Variants in IGHMBP2 observed in about 807,000 individuals in gnomAD.
IGHMBP2 encodes the protein DNA-binding protein SMUBP-2.
Under a neutral mutation model 96.0 loss-of-function variants are expected in IGHMBP2, and 81 were observed. The observed-to-expected ratio is 0.84, with a 90% confidence interval of 0.71 to 1.01. The LOEUF (loss-of-function observed/expected upper bound fraction) is 1.01, where lower values mean the gene tolerates loss of function less well. Ranked by LOEUF, IGHMBP2 falls within the 50% of genes least tolerant of loss-of-function variation. The pLI, the probability that IGHMBP2 is intolerant of heterozygous loss-of-function variation, is 0.00. For missense variants in IGHMBP2, 1,227 were observed against 1,306.3 expected (o/e 0.94, Z 0.94); for synonymous variants, 557 against 548.9 (o/e 1.01, Z -0.21).
rs1189538200 is a variant in IGHMBP2 at position 68,936,904 on chromosome 11, GC to G, written c.2429del (p.Pro810LeufsTer21). 7 of 1,607,712 alleles carry G rather than the reference GC, an allele frequency of 4.4e-6. No individual in the cohort carries two copies. The highest frequency in any genetic ancestry group is 5.1e-6 in the Non-Finnish European group (6 of 1,177,592). ...GTGGCCCAGCCCCTCTCCAGCCAGT[GC>G]CCCCTACCCCTGCGCAGACAGAGCA... ...TGGPAPLQPV[P>X]PTPAQTEQPP... is the part of the protein sequence containing the mutation. On this transcript the variant is annotated frameshift_variant, in exon 13 of 15. Coordinates refer to ENST00000255078, the MANE Select transcript of IGHMBP2 (RefSeq NM_002180.3). LOFTEE classifies it high-confidence loss of function.
chr11:68,903,946 G>A lies in IGHMBP2; in HGVS notation c.-7G>A, dbSNP rs1199275548. ...TCGGCTTCTAGGGGCCCAGGCCGGCGGCGGCGATGGCCTCGGCAGCTGTGG... is the reference window on the plus strand; with the variant it reads ...TCGGCTTCTAGGGGCCCAGGCCGGCAGCGGCGATGGCCTCGGCAGCTGTGG... On this transcript the variant is annotated 5_prime_UTR_variant, in exon 1 of 15. Transcript: ENST00000255078. 5 of 1,576,144 alleles carry A rather than the reference G, an allele frequency of 3.2e-6. No homozygotes were observed. In the South Asian group the frequency reaches 4.6e-5, roughly 14 times the overall value.
intron 5 of IGHMBP2, among the ~76,000 whole-genome samples, chr11:68,914,475 G>C (rs137881133): frequency 1.1e-3 from 173 of 152,354 alleles, no homozygotes; most frequent in African/African-American, 4.1e-3. Flanking sequence ...TGGGCAGGCT[G>C]TGGGCTCTGA....
chr11:68,914,788 A>G, intron 5 of IGHMBP2, 35 bp from the exon 6 acceptor site: 1 of 1,611,354 alleles, frequency 6.2e-7, no homozygotes, highest in East Asian at 2.2e-5. Context: ...TTTGATTACA[A>G]AGTAAATGAC....
At chr11:68,906,797 C>T (rs1055156134) in intron 2 of IGHMBP2, among the ~76,000 whole-genome samples, 6 of 151,820 alleles carry the variant, frequency 4.0e-5, no homozygotes, top group Non-Finnish European at 5.9e-5. Context: ...CATGCGCCAC[C>T]GTGCCTGGCT....
At chr11:68,905,974 T>A in intron 1 of IGHMBP2, 95 bp from the exon 2 acceptor site, 1 of 1,264,034 alleles carries the variant, frequency 7.9e-7, no homozygotes, top group Non-Finnish European at 1.2e-6. Context: ...TGTGAGTAGA[T>A]CTTTATCTAT....
At chr11:68,904,059 C>T in intron 1 of IGHMBP2, 21 bp downstream of exon 1, 1 of 1,538,916 alleles carries the variant, frequency 6.5e-7, no homozygotes, top group Non-Finnish European at 8.8e-7. Context: ...CCGCCGGCGC[C>T]GCTCCCTCGC....
intron 13 of IGHMBP2, 90 bp from the exon 14 acceptor site, chr11:68,938,092 C>G: frequency 7.0e-7 from 1 of 1,430,210 alleles, no homozygotes; most frequent in Admixed American, 1.7e-5. Flanking sequence ...GTGTGAGCCA[C>G]CGTGCTTAGC....
chr11:68,934,626 A>G, intron 11 of IGHMBP2, 68 bp downstream of exon 11: 1 of 1,237,532 alleles, frequency 8.1e-7, no homozygotes, highest in Non-Finnish European at 1.2e-6. Flanking sequence ...GGTGAAAGAA[A>G]AAGGGTGATT....
chr11:68,933,620 T>C, intron 9 of IGHMBP2, 139 bp downstream of exon 9: 1 of 1,199,716 alleles, frequency 8.3e-7, no homozygotes, highest in Non-Finnish European at 1.2e-6. Context: ...GAAGAGAGGG[T>C]GGCCTTGCCC....
intron 2 of IGHMBP2, among the ~76,000 whole-genome samples, chr11:68,906,642 T>TTC (rs1211297513): frequency 2.0e-4 from 28 of 141,286 alleles, no homozygotes; most frequent in African/African-American, 7.2e-4. Flanking sequence ...TTTCTTTTCT[T>TTC]TTTTTTTTTT....
chr11:68,910,531 C>T (rs117950655), intron 4 of IGHMBP2, among the ~76,000 whole-genome samples: 8 of 152,298 alleles, frequency 5.3e-5, no homozygotes, highest in East Asian at 1.9e-4. Context: ...CACCATGTAG[C>T]GAATGCCATG....
intron 13 of IGHMBP2, chr11:68,937,718 C>T: frequency 4.4e-6 from 1 of 225,086 alleles, no homozygotes; most frequent in South Asian, 6.5e-5. Flanking sequence ...TTTTCCTCAG[C>T]AAGAGCATGC....
rs191428037 is a variant in IGHMBP2 at position 68,903,899 on chromosome 11, G to C, written c.-54G>C. ...GGGAACACCGGTCCGCTGTAACACC[G>C]GCCCGGCGCAGAAGCGGGACGTCGG... On this transcript the variant is annotated 5_prime_UTR_variant, in exon 1 of 15. Coordinates refer to ENST00000255078, the MANE Select transcript of IGHMBP2 (RefSeq NM_002180.3). 16 of 1,607,346 alleles carry C rather than the reference G, an allele frequency of 1.0e-5. 1 individual carries two copies. The Admixed American group carries it at 2.0e-4, about 20-fold the overall frequency.
chr11:68,913,066 A>AC (rs1858505388), intron 5 of IGHMBP2, among the ~76,000 whole-genome samples: 1 of 150,650 alleles, frequency 6.6e-6, no homozygotes, highest in Non-Finnish European at 1.5e-5. Flanking sequence ...AAAAAAAAAA[A>AC]AACCAAAAAA....
At position 68,938,301 on chromosome 11, in the gene IGHMBP2, C is replaced by T; in HGVS notation, c.2731C>T (p.Gln911Ter). The change falls in exon 14 of 15, where the codon CAG becomes TAG. Residue 911 changes from glutamine to a stop codon, truncating the protein, a stop_gained. Coordinates refer to ENST00000255078, the MANE Select transcript of IGHMBP2 (RefSeq NM_002180.3). LOFTEE classifies it high-confidence loss of function. ...CACAGCCGGCGTCACAACCCTGGGC[C>T]AGTTCTGCCAGCTCTGCAGCCGCCG... ...KCTAGVTTLG[Q>*]FCQLCSRRYC... 1 of 1,612,844 alleles carries T rather than the reference C, an allele frequency of 6.2e-7. No individual in the cohort carries two copies. The highest frequency in any genetic ancestry group is 1.7e-4 in the Middle Eastern group (1 of 5,726).
At chr11:68,935,163 C>G in intron 11 of IGHMBP2, 136 bp from the exon 12 acceptor site, 1 of 1,157,144 alleles carries the variant, frequency 8.6e-7, no homozygotes, top group Middle Eastern at 2.7e-4. Context: ...AAGCCTTTCC[C>G]CATGGGGCTC....
Position 68,939,906 on chromosome 11 carries a change from T to C in IGHMBP2, c.*175T>C, listed in dbSNP as rs189725711. The C allele has an allele frequency of 1.7e-3, 1,091 of 653,490 alleles. 2 individuals are homozygous for C. Among genetic ancestry groups the C allele is most frequent in the Middle Eastern group, 3.4e-3 (8 of 2,338 alleles). 40.5% of individuals were successfully genotyped at this position (653,490 alleles called of 1,614,324 possible). On this transcript the variant is annotated 3_prime_UTR_variant, in exon 15 of 15. Transcript: ENST00000255078. ...GGACCCCAGGGATAAGCTTTTCCGA[T>C]GTCACAATGTGGAGGAAAGCACCTG...
intron 7 of IGHMBP2, among the ~76,000 whole-genome samples, chr11:68,928,473 T>A (rs562172727): frequency 6.6e-6 from 1 of 152,362 alleles, no homozygotes; most frequent in East Asian, 1.9e-4. Context: ...TTCACTCAGA[T>A]GGAAGGCAGA....
chr11:68,913,136 A>C (rs1405108709), intron 5 of IGHMBP2, among the ~76,000 whole-genome samples: 1 of 151,834 alleles, frequency 6.6e-6, no homozygotes, highest in Non-Finnish European at 1.5e-5. Flanking sequence ...CAGAGCCAGC[A>C]ATGGAACTCG....
Sources: gnomAD v4.1 joint callset for allele counts (sites outside exome capture counted in the v4.1 genomes callset) on GRCh38, gnomAD v4.1.1 for gene constraint, MANE v1.5 for transcripts, NCBI Gene and HGNC (gene_info 2026-07-23, HGNC 2026-07-21) for gene names.